The following RYR3 variants were observed in gnomAD, a reference collection of about 807,000 sequenced individuals.
The protein encoded by RYR3 is ryanodine receptor 3.
A neutral mutation model predicts 584.3 loss-of-function variants in RYR3; 207 were observed. The observed-to-expected ratio is 0.35, with a 90% CI of 0.32 to 0.40. RYR3 has a LOEUF of 0.40. Ranked by LOEUF, RYR3 falls within the 10% of genes least tolerant of loss-of-function variation. RYR3 has a pLI of 1.00. For synonymous variants in RYR3, 2,416 were observed against 2,248.5 expected (o/e 1.07, Z -2.11); for missense variants, 5,616 against 6,089.2 (o/e 0.92, Z 2.59).
intron 28 of RYR3, 113 bp downstream of exon 28, chr15:33,644,632 C>T (rs2061998524): frequency 2.7e-6 from 2 of 737,848 alleles, no homozygotes; most frequent in Admixed American, 2.4e-5. Context: ...GCCCTGGCCA[C>T]TTACCAGCCA....
chr15:33,648,081 C>A (rs1422880871), intron 30 of RYR3, among the ~76,000 whole-genome samples: 1 of 150,894 alleles, frequency 6.6e-6, no homozygotes, highest in Non-Finnish European at 1.5e-5. Flanking sequence ...GGTTAACTCT[C>A]ATCAGGAACA....
chr15:33,589,730 G>A (rs2059031334), intron 16 of RYR3, among the ~76,000 whole-genome samples: 1 of 152,162 alleles, frequency 6.6e-6, no homozygotes, highest in Admixed American at 6.5e-5. Flanking sequence ...TCCTTTCCAT[G>A]GTGTATGTTC....
In RYR3 at chr15:33,605,600, T is replaced by A. The variant is rs369398610; in HGVS notation, c.2164+2236T>A. Among the ~76,000 whole-genome samples the A allele has an allele frequency of 9.9e-5, 15 of 152,284 alleles. No individual in the cohort carries two copies. In the South Asian group the frequency reaches 2.9e-3, roughly 29 times the overall value. On this transcript the variant is annotated intron_variant, in intron 18 of 103. Transcript: ENST00000634891. ...CTGATGAGACATGGAGAAACCAGTG[T>A]CTCCAAGTTTTATACGTTTCATTCT...
chr15:33,505,530 C>T (rs527373084), intron 3 of RYR3, among the ~76,000 whole-genome samples: 15 of 152,302 alleles, frequency 9.8e-5, no homozygotes, highest in South Asian at 4.1e-4. Context: ...CTTGCTCTGT[C>T]GCCCAGGCTG....
At chr15:33,681,995 GATT>G (rs1404935283) in intron 38 of RYR3, among the ~76,000 whole-genome samples, 3 of 152,220 alleles carry the variant, frequency 2.0e-5, no homozygotes, top group African/African-American at 7.2e-5. Context: ...AGAAATAAAA[GATT>G]ATTTACAGAC....
intron 1 of RYR3, among the ~76,000 whole-genome samples, chr15:33,315,701 G>T (rs1226601405): frequency 2.0e-5 from 3 of 152,214 alleles, no homozygotes; most frequent in African/African-American, 7.2e-5. Context: ...TCCCGGTGAG[G>T]TGAGAAGGAG....
Position 33,738,469 on chromosome 15 carries a change from A to G in RYR3, c.7535A>G (p.Glu2512Gly), listed in dbSNP as rs1458477950. 1.2e-6 allele frequency: 2 copies of G among 1,613,724 alleles called. No homozygotes were observed. Among genetic ancestry groups the G allele is most frequent in the Admixed American group, 1.7e-5 (1 of 59,992 alleles). ...TCCCAGCTTCTGACGAATCACTATG[A>G]ACAGTGTTGGAAGTATTACTGCCTG... is the stretch of plus-strand genomic sequence containing the variant. The part of the protein sequence containing the change: ...MPLKLLTNHY[E>G]QCWKYYCLPS... The change falls in exon 50 of 104, where the codon GAA becomes GGA. Residue 2512 changes from glutamate (E) to glycine (G), a missense_variant. Around this residue, in one of 9 missense-constraint regions of RYR3, gnomAD observed 1,280 missense variants for 1,426.2 expected, o/e 0.90. Coordinates refer to ENST00000634891, the MANE Select transcript of RYR3 (RefSeq NM_001036.6).
At position 33,528,672 on chromosome 15, in the gene RYR3, A is replaced by G. The variant is rs193059946; in HGVS notation, c.280-1920A>G. On this transcript the variant is annotated intron_variant, in intron 3 of 103. Coordinates refer to ENST00000634891, the MANE Select transcript of RYR3 (RefSeq NM_001036.6). Reference sequence around the variant, plus strand: ...ACTTGGAACTTATATGACTTTGAGCAAGCTACTTAATCTCTGTAAACCTCA... The same window carrying G: ...ACTTGGAACTTATATGACTTTGAGCGAGCTACTTAATCTCTGTAAACCTCA... Among the ~76,000 whole-genome samples the G allele has an allele frequency of 1.2e-4, 19 of 152,338 alleles. No homozygotes were observed. In the East Asian group the frequency reaches 3.5e-3, roughly 28 times the overall value.
At chr15:33,332,700 C>T (rs1290748883) in intron 1 of RYR3, among the ~76,000 whole-genome samples, 1 of 151,698 alleles carries the variant, frequency 6.6e-6, no homozygotes, top group Non-Finnish European at 1.5e-5. Flanking sequence ...CTAAATGACC[C>T]ACATAACTTC....
intron 70 of RYR3, 160 bp downstream of exon 70, chr15:33,807,729 G>C (rs771365768): frequency 2.7e-6 from 2 of 738,240 alleles, no homozygotes; most frequent in Non-Finnish European, 4.7e-6. Flanking sequence ...GCCTGTCAAA[G>C]AGTGAATGTA....
intron 36 of RYR3, among the ~76,000 whole-genome samples, chr15:33,665,175 A>G (rs2063427323): frequency 6.6e-6 from 1 of 152,224 alleles, no homozygotes; most frequent in Non-Finnish European, 1.5e-5. Context: ...TGTGAATAAC[A>G]GAAGATACAA....
intron 3 of RYR3, among the ~76,000 whole-genome samples, chr15:33,519,300 A>G (rs1241395351): frequency 6.6e-6 from 1 of 152,202 alleles, no homozygotes; most frequent in African/African-American, 2.4e-5. Context: ...TCTATCATAT[A>G]TATAGAAGCA....
chr15:33,633,161 A>T, intron 24 of RYR3, 53 bp downstream of exon 24: 1 of 1,591,890 alleles, frequency 6.3e-7, no homozygotes, highest in Non-Finnish European at 8.6e-7. Context: ...ATGATCATCC[A>T]CGTGCCGTTT....
intron 3 of RYR3, among the ~76,000 whole-genome samples, chr15:33,528,805 G>A (rs527629318): frequency 2.3e-4 from 35 of 152,284 alleles, no homozygotes; most frequent in African/African-American, 7.9e-4. Flanking sequence ...TTCCCTGAAA[G>A]CAATGGTTCT....
At chr15:33,656,275 G>A (rs1238448060) in intron 32 of RYR3, among the ~76,000 whole-genome samples, 1 of 152,238 alleles carries the variant, frequency 6.6e-6, no homozygotes, top group Non-Finnish European at 1.5e-5. Flanking sequence ...AACTGTCAGT[G>A]GCATACCACG....
At position 33,837,852 on chromosome 15, in the gene RYR3, G is replaced by C. The variant is rs759404174; in HGVS notation, c.11872G>C (p.Glu3958Gln). ...MEGQKQYTQS[E>Q]IDFLLSCAEA... ...AGGGCAAAAACAGTACACGCAGTCA[G>C]AGATTGACTTTCTCCTGTCGTGTGC... The change falls in exon 89 of 104, where the codon GAG becomes CAG. Residue 3958 changes from glutamate to glutamine, a missense_variant. By Grantham distance (29) the Glu-to-Gln change is conservative. Coordinates refer to ENST00000634891, the MANE Select transcript of RYR3 (RefSeq NM_001036.6). The C allele has an allele frequency of 1.9e-6, 3 of 1,614,038 alleles. No individual in the cohort carries two copies. The highest frequency in any genetic ancestry group is 2.5e-6 in the Non-Finnish European group (3 of 1,179,898).
intron 99 of RYR3, chr15:33,858,549 A>T (rs1208439687): frequency 6.5e-6 from 1 of 153,496 alleles, no homozygotes; most frequent in East Asian, 1.9e-4. Context: ...TCTAAATTTC[A>T]TGGAAGTTGA....
intron 38 of RYR3, among the ~76,000 whole-genome samples, chr15:33,693,902 A>G (rs1224185659): frequency 6.6e-6 from 1 of 152,148 alleles, no homozygotes; most frequent in African/African-American, 2.4e-5. Context: ...ACTAGTACAC[A>G]CTCAACACAG....
At chr15:33,520,932 C>G (rs571234283) in intron 3 of RYR3, among the ~76,000 whole-genome samples, 1 of 152,116 alleles carries the variant, frequency 6.6e-6, no homozygotes, top group Non-Finnish European at 1.5e-5. Flanking sequence ...TAATTTGTTC[C>G]CCAACCATTA....
Sources: gnomAD v4.1 joint callset for allele counts (sites outside exome capture counted in the v4.1 genomes callset) on GRCh38, gnomAD v4.1.1 for gene constraint, gnomAD v4.1.1 regional missense constraint, MANE v1.5 for transcripts, NCBI Gene and HGNC (gene_info 2026-07-23, HGNC 2026-07-21) for gene names.